Variants in CDH13 observed in about 807,000 individuals in gnomAD.
The protein encoded by CDH13 is cadherin 13.
A neutral mutation model predicts 63.8 loss-of-function variants in CDH13; 24 were observed. That is an observed-to-expected ratio of 0.38 (90% CI 0.27 to 0.53). The LOEUF (loss-of-function observed/expected upper bound fraction) is 0.53, where lower values mean the gene tolerates loss of function less well. CDH13 is among the 20% of genes least tolerant of loss of function. The pLI is 0.85. For synonymous variants in CDH13, 503 were observed against 355.3 expected, an observed-to-expected ratio of 1.42 and a Z score of -4.67; for missense variants, 1,049 against 903.1, an observed-to-expected ratio of 1.16 and a Z score of -2.07.
At chr16:82,819,557 C>G (rs1221972864) in intron 1 of CDH13, among the ~76,000 whole-genome samples, 2 of 152,132 alleles carry the variant, frequency 1.3e-5, no homozygotes, top group African/African-American at 4.8e-5. Flanking sequence ...CTTTCCCTAC[C>G]TCTAGCCACA....
intron 5 of CDH13, among the ~76,000 whole-genome samples, chr16:83,295,008 G>C (rs918929730): frequency 1.3e-5 from 2 of 152,098 alleles, no homozygotes; most frequent in African/African-American, 4.8e-5. Flanking sequence ...AACCAAAACA[G>C]CATGGTACTG....
At chr16:82,805,073 G>C (rs1326933677) in intron 1 of CDH13, among the ~76,000 whole-genome samples, 1 of 152,168 alleles carries the variant, frequency 6.6e-6, no homozygotes. Flanking sequence ...AGTATCCCGG[G>C]TTTGTTAACA....
intron 5 of CDH13, among the ~76,000 whole-genome samples, chr16:83,281,528 C>G (rs936348186): frequency 6.6e-6 from 1 of 152,190 alleles, no homozygotes; most frequent in African/African-American, 2.4e-5. Context: ...CCTTCAAGAA[C>G]TTTTCCTTTG....
At chr16:83,349,481 GAGATGA>G (rs913061215) in intron 6 of CDH13, among the ~76,000 whole-genome samples, 3 of 152,176 alleles carry the variant, frequency 2.0e-5, no homozygotes, top group African/African-American at 7.2e-5. Flanking sequence ...AGCAGGCCCT[GAGATGA>G]AGATTGAGGC....
chr16:83,072,364 G>A (rs1346860869), intron 3 of CDH13, among the ~76,000 whole-genome samples: 1 of 152,200 alleles, frequency 6.6e-6, no homozygotes, highest in African/African-American at 2.4e-5. Flanking sequence ...TAGAAATAAT[G>A]CATATGTTGG....
At chr16:82,981,456 C>T (rs1227129615) in intron 2 of CDH13, among the ~76,000 whole-genome samples, 2 of 152,080 alleles carry the variant, frequency 1.3e-5, no homozygotes, top group South Asian at 2.1e-4. Context: ...TCTCATCATT[C>T]TCCACCTGCC....
At chr16:83,432,944 A>G (rs963720938) in intron 6 of CDH13, among the ~76,000 whole-genome samples, 7 of 152,234 alleles carry the variant, frequency 4.6e-5, no homozygotes, top group African/African-American at 1.4e-4. Context: ...GATAAGAATT[A>G]CTTTCACTTT....
chr16:83,026,021 C>T (rs1915768190), intron 2 of CDH13, among the ~76,000 whole-genome samples: 1 of 152,166 alleles, frequency 6.6e-6, no homozygotes, highest in South Asian at 2.1e-4. Context: ...TGAGAAAGAA[C>T]CATGGCCTAA....
At chr16:83,772,532 G>A (rs1350545113) in intron 11 of CDH13, among the ~76,000 whole-genome samples, 1 of 152,166 alleles carries the variant, frequency 6.6e-6, no homozygotes, top group East Asian at 1.9e-4. Context: ...CGGCATCAAA[G>A]AAACTCTGAC....
At chr16:82,801,025 A>T (rs950174531) in intron 1 of CDH13, among the ~76,000 whole-genome samples, 2 of 152,178 alleles carry the variant, frequency 1.3e-5, no homozygotes, top group African/African-American at 2.4e-5. Flanking sequence ...TGTGACCCTT[A>T]TTGAGCAAAG....
At chr16:83,669,817 A>C (rs978756447) in intron 8 of CDH13, among the ~76,000 whole-genome samples, 24 of 152,208 alleles carry the variant, frequency 1.6e-4, no homozygotes, top group African/African-American at 5.1e-4. Context: ...TTGAAATTCC[A>C]AGATATTTCT....
At chr16:83,685,101 C>T (rs1380195791) in intron 10 of CDH13, among the ~76,000 whole-genome samples, 1 of 152,132 alleles carries the variant, frequency 6.6e-6, no homozygotes, top group East Asian at 1.9e-4. Flanking sequence ...GAGGGATACT[C>T]CCTCTCTTTT....
chr16:82,776,416 T>G (rs1038972504), intron 1 of CDH13, among the ~76,000 whole-genome samples: 3 of 152,108 alleles, frequency 2.0e-5, no homozygotes, highest in Non-Finnish European at 4.4e-5. Flanking sequence ...TTAGCTGGAG[T>G]GCTTTATTAT....
At chr16:82,745,998 T>C (rs12600161) in intron 1 of CDH13, among the ~76,000 whole-genome samples, 18,148 of 152,090 alleles carry the variant, frequency 0.12, 1,672 homozygotes, top group East Asian at 0.46. Flanking sequence ...AATATATCCA[T>C]TCACAAGTTT....
At chr16:83,347,864 G>A (rs1468209945) in intron 6 of CDH13, among the ~76,000 whole-genome samples, 3 of 152,174 alleles carry the variant, frequency 2.0e-5, no homozygotes, top group African/African-American at 7.2e-5. Flanking sequence ...ACAATAGCCC[G>A]CATTTCTTCC....
At chr16:83,014,350 A>T (rs1310443573) in intron 2 of CDH13, among the ~76,000 whole-genome samples, 3 of 150,326 alleles carry the variant, frequency 2.0e-5, no homozygotes, top group African/African-American at 7.4e-5. Flanking sequence ...AAAACTTAGC[A>T]TCTAACTAAA....
At chr16:82,728,187 A>G (rs745913096) in intron 1 of CDH13, among the ~76,000 whole-genome samples, 23 of 152,168 alleles carry the variant, frequency 1.5e-4, no homozygotes, top group Admixed American at 6.5e-4. Flanking sequence ...GGCATTAAAA[A>G]CATTTGATAA....
In CDH13 at chr16:83,202,186, C is replaced by A. The variant is rs944952774; in HGVS notation, c.484-15159C>A. ...ATCCCAGGCTTCCGAAAGAAATGAT[C>A]TTGCCAGGCTCAGCTTTGGATAGGA... is the stretch of plus-strand genomic sequence containing the variant. On this transcript the variant is annotated intron_variant, in intron 4 of 13. Coordinates refer to ENST00000567109, the MANE Select transcript of CDH13 (RefSeq NM_001257.5). Among the ~76,000 whole-genome samples, 4 of 152,276 alleles carry A rather than the reference C, an allele frequency of 2.6e-5. No individual in the cohort carries two copies. The East Asian group carries it at 5.8e-4, about 22-fold the overall frequency.
chr16:83,009,146 A>C (rs1913857156), intron 2 of CDH13, among the ~76,000 whole-genome samples: 1 of 152,212 alleles, frequency 6.6e-6, no homozygotes, highest in Admixed American at 6.5e-5. Flanking sequence ...GACACAGCCA[A>C]ACCAGATCAT....
Sources: allele counts gnomAD v4.1 joint callset (sites outside exome capture counted in the v4.1 genomes callset), GRCh38; gene constraint gnomAD v4.1.1; transcripts MANE v1.5; gene names NCBI Gene and HGNC (gene_info 2026-07-23, HGNC 2026-07-21).